Variants in RALYL observed in about 807,000 individuals in gnomAD.
RALYL encodes RALY RNA binding protein like, also known as RNA-binding Raly-like protein.
In RALYL, 29 loss-of-function variants were observed where a neutral mutation model predicts 35.1. The observed-to-expected ratio is 0.83, with a 90% CI of 0.61 to 1.13. RALYL has a LOEUF of 1.13. Ranked by LOEUF, RALYL falls within the 50% of genes most tolerant of loss-of-function variation. The pLI, the probability that RALYL is intolerant of heterozygous loss-of-function variation, is 0.00. For missense variants in RALYL, 359 were observed against 360.4 expected (o/e 1.00, Z 0.03); for synonymous variants, 120 against 127.6 (o/e 0.94, Z 0.40).
chr8:84,495,335 A>G (rs1225327702), intron 1 of RALYL, among the ~76,000 whole-genome samples: 1 of 152,110 alleles, frequency 6.6e-6, no homozygotes, highest in African/African-American at 2.4e-5. Flanking sequence ...TCTTTTCGGG[A>G]TAACTAAAAC....
intron 2 of RALYL, among the ~76,000 whole-genome samples, chr8:84,648,931 G>A (rs1285405749): frequency 2.6e-5 from 4 of 151,758 alleles, no homozygotes; most frequent in Non-Finnish European, 5.9e-5. Flanking sequence ...GTTTCTTCTG[G>A]AGGGAAAATG....
At chr8:84,536,593 C>A (rs1206072084) in intron 2 of RALYL, among the ~76,000 whole-genome samples, 1 of 152,132 alleles carries the variant, frequency 6.6e-6, no homozygotes, top group Non-Finnish European at 1.5e-5. Flanking sequence ...CCTAAAGAAG[C>A]ACATGAACCT....
intron 4 of RALYL, among the ~76,000 whole-genome samples, chr8:84,837,174 T>A (rs1393611398): frequency 6.6e-6 from 1 of 152,220 alleles, no homozygotes; most frequent in Admixed American, 6.5e-5. Flanking sequence ...CTGCCTCAAC[T>A]TACGGTCAAC....
At chr8:84,741,666 G>A (rs187673583) in intron 2 of RALYL, among the ~76,000 whole-genome samples, 72 of 152,032 alleles carry the variant, frequency 4.7e-4, no homozygotes, top group African/African-American at 1.3e-3. Flanking sequence ...ATCACATTGG[G>A]TCTTAGGCTC....
At chr8:84,225,873 G>A (rs1371687239) in intron 1 of RALYL, among the ~76,000 whole-genome samples, 2 of 152,102 alleles carry the variant, frequency 1.3e-5, no homozygotes, top group African/African-American at 4.8e-5. Flanking sequence ...TTATCACTCA[G>A]ACCCATGCCT....
At chr8:84,858,950 C>T (rs1300514918) in intron 5 of RALYL, among the ~76,000 whole-genome samples, 1 of 152,106 alleles carries the variant, frequency 6.6e-6, no homozygotes, top group Non-Finnish European at 1.5e-5. Flanking sequence ...ATTATGCCCT[C>T]GTGTTAGCCC....
At chr8:84,540,658 G>A (rs1184610442) in intron 2 of RALYL, among the ~76,000 whole-genome samples, 4 of 151,664 alleles carry the variant, frequency 2.6e-5, no homozygotes, top group Admixed American at 2.0e-4. Context: ...CATTTGTACT[G>A]TCGAGGAGAT....
intron 4 of RALYL, among the ~76,000 whole-genome samples, chr8:84,847,689 CA>C (rs1331309362): frequency 6.6e-6 from 1 of 152,164 alleles, no homozygotes; most frequent in Non-Finnish European, 1.5e-5. Flanking sequence ...GACTGCCAGA[CA>C]AAAGTGGCTA....
At chr8:84,827,955 A>G (rs189352465) in intron 4 of RALYL, among the ~76,000 whole-genome samples, 133 of 152,016 alleles carry the variant, frequency 8.7e-4, no homozygotes, top group African/African-American at 3.1e-3. Context: ...ACTTTTAGTA[A>G]AACATTTAAA....
At chr8:84,428,777 T>C (rs950192141) in intron 1 of RALYL, among the ~76,000 whole-genome samples, 1 of 152,174 alleles carries the variant, frequency 6.6e-6, no homozygotes, top group Non-Finnish European at 1.5e-5. Context: ...TTGTATAGTA[T>C]AATTACCATG....
chr8:84,238,643 C>T (rs1481526611), intron 1 of RALYL, among the ~76,000 whole-genome samples: 2 of 152,000 alleles, frequency 1.3e-5, no homozygotes, highest in Non-Finnish European at 2.9e-5. Flanking sequence ...CTGAGCTTGG[C>T]AGAGAAGCAA....
At chr8:84,790,962 G>A (rs139298867) in intron 3 of RALYL, among the ~76,000 whole-genome samples, 3 of 152,252 alleles carry the variant, frequency 2.0e-5, no homozygotes, top group African/African-American at 7.2e-5. Flanking sequence ...GAAACCTTTA[G>A]GCTGAACTTA....
intron 1 of RALYL, among the ~76,000 whole-genome samples, chr8:84,322,222 C>G (rs73306962): frequency 1.1e-4 from 17 of 152,026 alleles, no homozygotes; most frequent in African/African-American, 4.1e-4. Flanking sequence ...ACATTATTCT[C>G]AAGCTCACAT....
chr8:84,842,579 A>T lies in RALYL; in HGVS notation c.366-7401A>T, dbSNP rs184416687. ...TACCATTCCTTCTGAAACTATTCCA[A>T]TCAATAGAAAAAGAAGGAATCCTCC... is the stretch of plus-strand genomic sequence containing the variant. On this transcript the variant is annotated intron_variant, in intron 4 of 8. Coordinates refer to ENST00000521268, the MANE Select transcript of RALYL (RefSeq NM_173848.7). 6.2e-3 allele frequency among the ~76,000 whole-genome samples: 937 copies of T among 152,342 alleles called. 10 individuals are homozygous for T. Among genetic ancestry groups the T allele is most frequent in the African/African-American group, 0.021 (893 of 41,576 alleles).
chr8:84,453,901 GT>G (rs1375096135), intron 1 of RALYL, among the ~76,000 whole-genome samples: 1 of 151,864 alleles, frequency 6.6e-6, no homozygotes, highest in Non-Finnish European at 1.5e-5. Flanking sequence ...GCAAAATTGG[GT>G]ACTATTATTT....
At chr8:84,453,286 G>T (rs1454485123) in intron 1 of RALYL, among the ~76,000 whole-genome samples, 1 of 151,842 alleles carries the variant, frequency 6.6e-6, no homozygotes, top group Non-Finnish European at 1.5e-5. Flanking sequence ...TCTATCTCAA[G>T]AGGTGCTTAA....
chr8:84,367,356 T>A (rs1287411088), intron 1 of RALYL, among the ~76,000 whole-genome samples: 4 of 79,512 alleles, frequency 5.0e-5, no homozygotes, highest in Non-Finnish European at 9.6e-5. Context: ...TTTTTTTTTT[T>A]TTTTTTTTTT....
intron 2 of RALYL, among the ~76,000 whole-genome samples, chr8:84,732,215 A>AT (rs369185468): frequency 8.4e-4 from 128 of 152,122 alleles, no homozygotes; most frequent in African/African-American, 2.9e-3. Flanking sequence ...AGATATCACG[A>AT]TTTTTTTGCT....
chr8:84,668,713 A>T (rs575831382), intron 2 of RALYL, among the ~76,000 whole-genome samples: 1 of 152,306 alleles, frequency 6.6e-6, no homozygotes, highest in East Asian at 1.9e-4. Context: ...TAAATATGAC[A>T]ACATAATTTT....
Sources: gnomAD v4.1 joint callset for allele counts (sites outside exome capture counted in the v4.1 genomes callset) on GRCh38, gnomAD v4.1.1 for gene constraint, MANE v1.5 for transcripts, NCBI Gene and HGNC (gene_info 2026-07-23, HGNC 2026-07-21) for gene names.